VWC2: variants seen among roughly 807,000 people sequenced by gnomAD.
VWC2 encodes von Willebrand factor C domain containing 2.
Under a neutral mutation model 29.8 loss-of-function variants are expected in VWC2, and 14 were observed. The observed-to-expected ratio is 0.47, with a 90% CI of 0.31 to 0.74. The LOEUF (loss-of-function observed/expected upper bound fraction) is 0.74, where lower values mean the gene tolerates loss of function less well. Ranked by LOEUF, VWC2 falls within the 30% of genes least tolerant of loss-of-function variation. The pLI is 0.05. For missense variants in VWC2, 457 were observed against 459.8 expected (o/e 0.99, Z 0.05); for synonymous variants, 213 against 199.0 (o/e 1.07, Z -0.59).
In VWC2 at chr7:49,885,749, G is replaced by A. The variant is rs528289484; in HGVS notation, c.827-26285G>A. On this transcript the variant is annotated intron_variant, in intron 3 of 3. Transcript: ENST00000340652. Reference sequence around the variant, plus strand: ...AGAAATTGGGGCTAATTTTAGATGCGGTTAAAGTATTGATTTATGAGTGCA... The same window carrying A: ...AGAAATTGGGGCTAATTTTAGATGCAGTTAAAGTATTGATTTATGAGTGCA... Among the ~76,000 whole-genome samples the A allele has an allele frequency of 3.3e-5, 5 of 152,312 alleles. 1 individual carries two copies. The highest frequency in any genetic ancestry group is 7.2e-5 in the African/African-American group (3 of 41,566).
rs565538654 is a variant in VWC2, at chr7:49,895,678, G to A, written c.827-16356G>A. On this transcript the variant is annotated intron_variant, in intron 3 of 3. Coordinates refer to ENST00000340652, the MANE Select transcript of VWC2 (RefSeq NM_198570.5). ...AATTAATTATCAGCCATAGGACTTG[G>A]ACTAATAGTCTCTCTGAGTCTCATT... Among the ~76,000 whole-genome samples, 19 of 152,142 alleles carry A rather than the reference G, an allele frequency of 1.2e-4. No individual in the cohort carries two copies. In the South Asian group the frequency reaches 2.7e-3, roughly 22 times the overall value.
intron 3 of VWC2, among the ~76,000 whole-genome samples, chr7:49,820,247 A>G (rs1427071095): frequency 6.6e-6 from 1 of 152,112 alleles, no homozygotes; most frequent in African/African-American, 2.4e-5. Flanking sequence ...GGAGTGCTGG[A>G]AACATCTCAC....
intron 3 of VWC2, among the ~76,000 whole-genome samples, chr7:49,859,728 T>C (rs10265782): frequency 0.044 from 6,755 of 152,292 alleles, 389 homozygotes; most frequent in African/African-American, 0.13. Flanking sequence ...ATGATCTTGA[T>C]TATTTTCTCC....
chr7:49,787,424 A>C (rs980222371), intron 2 of VWC2, among the ~76,000 whole-genome samples: 7 of 152,250 alleles, frequency 4.6e-5, no homozygotes, highest in African/African-American at 1.7e-4. Flanking sequence ...AATTTCAAGT[A>C]AGTCACTATT....
At chr7:49,774,525 G>T (rs1401156769) in intron 1 of VWC2, among the ~76,000 whole-genome samples, 2 of 152,210 alleles carry the variant, frequency 1.3e-5, no homozygotes, top group Non-Finnish European at 2.9e-5. Context: ...CGCCCACTCT[G>T]CGCCCTGGGG....
chr7:49,916,195 C>A lies in VWC2; in HGVS notation c.*4010C>A, dbSNP rs1291528611. The A allele has an allele frequency of 2.0e-5, 3 of 151,924 alleles. No homozygotes were observed. Among genetic ancestry groups the A allele is most frequent in the Non-Finnish European group, 4.4e-5 (3 of 67,964 alleles). The allele number at this position is 151,924 out of a possible 1,614,324, so 9.4% of individuals were successfully genotyped here. On this transcript the variant is annotated 3_prime_UTR_variant, in exon 4 of 4. Transcript: ENST00000340652. ...TGTAGATCTAGTTTTCAACTGAATT[C>A]TTTGAGGATCGCAATCACACACAAA...
At chr7:49,876,288 GTAGT>G (rs1302116824) in intron 3 of VWC2, among the ~76,000 whole-genome samples, 1 of 152,166 alleles carries the variant, frequency 6.6e-6, no homozygotes, top group Non-Finnish European at 1.5e-5. Flanking sequence ...GGGAGAAGTT[GTAGT>G]TAGTTTGGTG....
At chr7:49,803,453 A>G (rs1788793089) in intron 3 of VWC2, among the ~76,000 whole-genome samples, 1 of 152,238 alleles carries the variant, frequency 6.6e-6, no homozygotes, top group South Asian at 2.1e-4. Flanking sequence ...ACAAGAGTGC[A>G]TACCCAGGCT....
intron 3 of VWC2, among the ~76,000 whole-genome samples, chr7:49,890,546 T>C (rs1465937816): frequency 6.6e-6 from 1 of 152,204 alleles, no homozygotes; most frequent in Non-Finnish European, 1.5e-5. Flanking sequence ...AACTTCTCAT[T>C]TTATAGGGAT....
intron 3 of VWC2, among the ~76,000 whole-genome samples, chr7:49,869,346 A>G (rs1414891210): frequency 6.6e-6 from 1 of 152,194 alleles, no homozygotes; most frequent in Non-Finnish European, 1.5e-5. Context: ...AATACTGAAC[A>G]AGGTCTGAAA....
At chr7:49,906,049 A>G (rs1793069797) in intron 3 of VWC2, among the ~76,000 whole-genome samples, 2 of 152,226 alleles carry the variant, frequency 1.3e-5, no homozygotes, top group South Asian at 4.1e-4. Flanking sequence ...CCTGTTTAGC[A>G]TATAATCAAG....
At chr7:49,871,908 AACACAC>A (rs72332840) in intron 3 of VWC2, among the ~76,000 whole-genome samples, 9,219 of 87,810 alleles carry the variant, frequency 0.1, 619 homozygotes, top group African/African-American at 0.12. Flanking sequence ...TGTGTATATA[AACACAC>A]ACACACACAC....
At position 49,920,260 on chromosome 7, in the gene VWC2, G is replaced by A. The variant is rs914605953; in HGVS notation, c.*8075G>A. 3 of 150,324 alleles carry A rather than the reference G, an allele frequency of 2.0e-5. No homozygotes were observed. Among genetic ancestry groups the A allele is most frequent in the African/African-American group, 7.3e-5 (3 of 41,280 alleles). The allele number at this position is 150,324 out of a possible 1,614,324, so 9.3% of individuals were successfully genotyped here. Reference sequence around the variant, plus strand: ...AATACACGATGAATCCTTTTCTTAAGGAAAAAATGAAAATAATAAAAGTGG... The same window carrying A: ...AATACACGATGAATCCTTTTCTTAAAGAAAAAATGAAAATAATAAAAGTGG... On this transcript the variant is annotated 3_prime_UTR_variant, in exon 4 of 4. Coordinates refer to ENST00000340652, the MANE Select transcript of VWC2 (RefSeq NM_198570.5).
At position 49,914,013 on chromosome 7, in the gene VWC2, G is replaced by A. The variant is rs1237531101; in HGVS notation, c.*1828G>A. On this transcript the variant is annotated 3_prime_UTR_variant, in exon 4 of 4. Coordinates refer to ENST00000340652, the MANE Select transcript of VWC2 (RefSeq NM_198570.5). ...TACTCAGGGGAATTATTAGCTAATT[G>A]TTCTCAGGTGTAATCAGCTTTCCAA... 6.6e-6 allele frequency: 1 copy of A among 152,160 alleles called. No homozygotes were observed. Among genetic ancestry groups the A allele is most frequent in the African/African-American group, 2.4e-5 (1 of 41,446 alleles). The allele number at this position is 152,160 out of a possible 1,614,324, so 9.4% of individuals were successfully genotyped here.
chr7:49,843,923 A>G (rs1789857736), intron 3 of VWC2, among the ~76,000 whole-genome samples: 1 of 152,232 alleles, frequency 6.6e-6, no homozygotes, highest in African/African-American at 2.4e-5. Flanking sequence ...AGAGCTTTAA[A>G]AGATGAAGAA....
Position 49,802,694 on chromosome 7 carries a change from G to T in VWC2, c.697-17G>T. The T allele has an allele frequency of 6.2e-7, 1 of 1,614,110 alleles. No homozygotes were observed. The highest frequency in any genetic ancestry group is 8.5e-7 in the Non-Finnish European group (1 of 1,179,974). On this transcript the variant is annotated splice_polypyrimidine_tract_variant and intron_variant, in intron 2 of 3. Transcript: ENST00000340652. ...ATGACAGCAGGCTAAAGTGCTGATTGTGGGCTTGTGTTTCAGGTGTCTCCA... is the reference window on the plus strand; with the variant it reads ...ATGACAGCAGGCTAAAGTGCTGATTTTGGGCTTGTGTTTCAGGTGTCTCCA...
intron 2 of VWC2, among the ~76,000 whole-genome samples, chr7:49,789,056 ATGTGTG>A: frequency 8.4e-6 from 1 of 119,530 alleles, no homozygotes; most frequent in Non-Finnish European, 1.8e-5. Context: ...GTGTGGGTGT[ATGTGTG>A]GGTGCGTGAG....
intron 3 of VWC2, among the ~76,000 whole-genome samples, chr7:49,886,524 T>C (rs1791910147): frequency 6.6e-6 from 1 of 152,256 alleles, no homozygotes; most frequent in Non-Finnish European, 1.5e-5. Context: ...CTTTTGATTT[T>C]AATTTCACTT....
chr7:49,794,261 G>A (rs1012636084), intron 2 of VWC2, among the ~76,000 whole-genome samples: 10 of 152,308 alleles, frequency 6.6e-5, no homozygotes, highest in Admixed American at 3.3e-4. Flanking sequence ...CATGCAGCTC[G>A]AATGTGCATG....
Sources: gnomAD v4.1 joint callset for allele counts (sites outside exome capture counted in the v4.1 genomes callset) on GRCh38, gnomAD v4.1.1 for gene constraint, MANE v1.5 for transcripts, NCBI Gene and HGNC (gene_info 2026-07-23, HGNC 2026-07-21) for gene names.